PPM1B: variants seen among roughly 807,000 people sequenced by gnomAD.
The protein encoded by PPM1B is protein phosphatase, Mg2+/Mn2+ dependent 1B.
Under a neutral mutation model 43.0 loss-of-function variants are expected in PPM1B, and 22 were observed. The observed-to-expected ratio is 0.51, with a 90% CI of 0.37 to 0.73. PPM1B has a LOEUF of 0.73. Among genes scored for constraint, PPM1B ranks in the 30% least tolerant of loss-of-function variants. The probability of loss-of-function intolerance (pLI) is 0.00; values close to 1 mark genes in which losing one functional copy is unlikely to be tolerated. For synonymous variants in PPM1B, 217 were observed against 197.9 expected (o/e 1.10, Z -0.81); for missense variants, 632 against 584.2 (o/e 1.08, Z -0.84).
At chr2:44,244,383 T>C (rs1211612518) in exon 6 of PPM1B, 6 of 1,347,002 alleles carry the variant, frequency 4.5e-6, no homozygotes, top group South Asian at 2.3e-5. Flanking sequence ...TATATAATTA[T>C]AGTATTTGTA....
At chr2:44,233,436 C>T (rs546949820), downstream of PPM1B, 59 of 982,324 alleles carry the variant, frequency 6.0e-5, 2 homozygotes, top group South Asian at 2.6e-3. Context: ...TTGAATTCTT[C>T]TGAGTTTTGC....
At chr2:44,199,279 G>A (rs1668809712) in intron 1 of PPM1B, among the ~76,000 whole-genome samples, 1 of 133,356 alleles carries the variant, frequency 7.5e-6, no homozygotes, top group African/African-American at 2.9e-5. Flanking sequence ...AGAGCCGGGT[G>A]TGGTGGCACG....
intron 1 of PPM1B, among the ~76,000 whole-genome samples, chr2:44,196,144 C>A (rs1668652320): frequency 6.6e-6 from 1 of 152,164 alleles, no homozygotes; most frequent in African/African-American, 2.4e-5. Flanking sequence ...TTTGCATTTT[C>A]TTAGTTTTAA....
chr2:44,227,594 C>T (rs1386324727), intron 5 of PPM1B, among the ~76,000 whole-genome samples: 1 of 150,908 alleles, frequency 6.6e-6, no homozygotes, highest in Non-Finnish European at 1.5e-5. Flanking sequence ...TCTTGGCTCA[C>T]TGCAACCTCC....
chr2:44,229,182 C>CA (rs559267906), intron 5 of PPM1B, among the ~76,000 whole-genome samples: 1,961 of 121,058 alleles, frequency 0.016, 28 homozygotes, highest in African/African-American at 0.052. Context: ...AACTCCATCC[C>CA]AAAAAAAAAA....
intron 5 of PPM1B, chr2:44,219,308 G>A (rs1486880600): frequency 6.6e-6 from 1 of 151,414 alleles, no homozygotes; most frequent in African/African-American, 2.4e-5. Context: ...ATGCTTCAAA[G>A]CTTTAAGGGA....
chr2:44,227,952 C>T (rs1670295475), intron 5 of PPM1B, among the ~76,000 whole-genome samples: 1 of 115,286 alleles, frequency 8.7e-6, no homozygotes, highest in African/African-American at 3.2e-5. Context: ...GATAGAGTCT[C>T]ACTTTGTCAC....
intron 1 of PPM1B, among the ~76,000 whole-genome samples, chr2:44,169,562 C>T (rs756384683): frequency 5.9e-5 from 9 of 152,246 alleles, no homozygotes; most frequent in Non-Finnish European, 1.0e-4. Flanking sequence ...CTGACTGATT[C>T]TCTCTTCCCT....
chr2:44,234,169 T>G, downstream of PPM1B: 1 of 979,520 alleles, frequency 1.0e-6, no homozygotes, highest in Non-Finnish European at 1.2e-6. Context: ...TTAACCAAAC[T>G]GTACAGGACA....
intron 3 of PPM1B, among the ~76,000 whole-genome samples, chr2:44,210,000 C>T (rs928192153): frequency 6.6e-6 from 1 of 152,060 alleles, no homozygotes; most frequent in African/African-American, 2.4e-5. Context: ...TCTTTCCCTG[C>T]GTACATTCCT....
At chr2:44,232,961 TAATATTATAAACCCTTACA>T, downstream of PPM1B, 1 of 978,408 alleles carries the variant, frequency 1.0e-6, no homozygotes, top group South Asian at 4.7e-5. Flanking sequence ...TATTTGGGAA[TAATATTATAAACCCTTACA>T]AATTTTATGC....
At position 44,188,763 on chromosome 2, in the gene PPM1B, TTTCC is replaced by T. The variant is rs528327372; in HGVS notation, c.-14-12406_-14-12403del. ...CTTTCCTTCCTTCCTTCCTTCCTTCTTTCCTTCCTTCCTTCCTTCCCTCCTTCCC... is the reference window on the plus strand; with the variant it reads ...CTTTCCTTCCTTCCTTCCTTCCTTCTTTCCTTCCTTCCTTCCCTCCTTCCC... On this transcript the variant is annotated intron_variant, in intron 1 of 5. Transcript: ENST00000282412. 3.6e-3 allele frequency among the ~76,000 whole-genome samples: 496 copies of T among 139,702 alleles called. 6 individuals are homozygous for T. Among genetic ancestry groups the T allele is most frequent in the African/African-American group, 0.011 (440 of 38,626 alleles). 91.6% of individuals were successfully genotyped at this position (139,702 alleles called of 152,430 possible).
chr2:44,189,427 G>C (rs1197382835), intron 1 of PPM1B, among the ~76,000 whole-genome samples: 1 of 152,028 alleles, frequency 6.6e-6, no homozygotes, highest in Non-Finnish European at 1.5e-5. Flanking sequence ...TCCCTCCGCA[G>C]TTCTAACTTG....
intron 3 of PPM1B, chr2:44,217,740 G>A: frequency 3.3e-6 from 1 of 300,052 alleles, no homozygotes. Flanking sequence ...ATGCTGGAAT[G>A]AACATACATA....
intron 1 of PPM1B, among the ~76,000 whole-genome samples, chr2:44,192,095 G>T (rs1175709618): frequency 1.5e-5 from 2 of 135,732 alleles, no homozygotes; most frequent in African/African-American, 5.5e-5. Flanking sequence ...TTTTACTTTT[G>T]ATTTTTTTTT....
intron 1 of PPM1B, among the ~76,000 whole-genome samples, chr2:44,185,472 C>G (rs774539389): frequency 2.6e-5 from 4 of 152,116 alleles, no homozygotes; most frequent in Non-Finnish European, 5.9e-5. Flanking sequence ...CAAAATACCA[C>G]TGTCAACAAA....
chr2:44,199,712 A>G lies in PPM1B; in HGVS notation c.-14-1474A>G, dbSNP rs79114127. ...CTCTCAGTACAAAATATGACATTCT[A>G]CTGATAGAATGAAAAATAATTTTTA... On this transcript the variant is annotated intron_variant, in intron 1 of 5. Coordinates refer to ENST00000282412, the MANE Select transcript of PPM1B (RefSeq NM_002706.6). Among the ~76,000 whole-genome samples the G allele has an allele frequency of 7.3e-3, 1,118 of 152,336 alleles. 10 individuals are homozygous for G. The highest frequency in any genetic ancestry group is 0.025 in the African/African-American group (1,059 of 41,574).
intron 1 of PPM1B, among the ~76,000 whole-genome samples, chr2:44,187,569 G>A (rs983041383): frequency 6.6e-6 from 1 of 152,042 alleles, no homozygotes; most frequent in Non-Finnish European, 1.5e-5. Context: ...TCTAAACATG[G>A]GATCTCTCCC....
downstream of PPM1B, among the ~76,000 whole-genome samples, chr2:44,239,378 A>G (rs1386900334): frequency 1.3e-5 from 2 of 151,706 alleles, no homozygotes; most frequent in South Asian, 2.1e-4. Context: ...GTCTTTTTCT[A>G]TATAGTCTAG....
Sources: allele counts gnomAD v4.1 joint callset (sites outside exome capture counted in the v4.1 genomes callset), GRCh38; gene constraint gnomAD v4.1.1; transcripts MANE v1.5; gene names NCBI Gene and HGNC (gene_info 2026-07-23, HGNC 2026-07-21).